The following TRPC7 variants were observed in gnomAD, a reference collection of about 807,000 sequenced individuals.
TRPC7 encodes the protein short transient receptor potential channel 7.
Under a neutral mutation model 90.1 loss-of-function variants are expected in TRPC7, and 42 were observed. The ratio of observed to expected loss-of-function variants is 0.47; its 90% CI spans 0.36 to 0.60. The LOEUF (loss-of-function observed/expected upper bound fraction) is 0.60. Among genes scored for constraint, TRPC7 ranks in the 20% least tolerant of loss-of-function variants. TRPC7 has a pLI of 0.00. For synonymous variants in TRPC7, 451 were observed against 436.3 expected (o/e 1.03, Z -0.42); for missense variants, 955 against 1,112.3 (o/e 0.86, Z 2.01).
intron 2 of TRPC7, among the ~76,000 whole-genome samples, chr5:136,354,853 C>T (rs1050841013): frequency 2.6e-5 from 4 of 152,218 alleles, no homozygotes; most frequent in African/African-American, 7.2e-5. Context: ...TTCTGAGACT[C>T]ATCTTCACTT....
At chr5:136,217,100 A>G (rs1580829197) in intron 10 of TRPC7, among the ~76,000 whole-genome samples, 1 of 152,168 alleles carries the variant, frequency 6.6e-6, no homozygotes, top group Non-Finnish European at 1.5e-5. Context: ...ATTTAAAAAT[A>G]CTCGGGTAGC....
intron 3 of TRPC7, among the ~76,000 whole-genome samples, chr5:136,289,615 CA>C (rs1297975745): frequency 6.6e-6 from 1 of 152,210 alleles, no homozygotes; most frequent in African/African-American, 2.4e-5. Flanking sequence ...TGCCATTGCC[CA>C]GGCTTGAGCA....
chr5:136,302,354 CT>C (rs1019936576), intron 3 of TRPC7, among the ~76,000 whole-genome samples: 2 of 152,174 alleles, frequency 1.3e-5, no homozygotes, highest in African/African-American at 4.8e-5. Context: ...GCAAGTCCCG[CT>C]TTTCTGGGGG....
At chr5:136,330,522 A>G (rs1759467596) in intron 2 of TRPC7, among the ~76,000 whole-genome samples, 1 of 152,240 alleles carries the variant, frequency 6.6e-6, no homozygotes. Flanking sequence ...CTGCCCTTGT[A>G]GTGCTCTAAA....
intron 3 of TRPC7, among the ~76,000 whole-genome samples, chr5:136,284,227 T>C (rs1425872797): frequency 6.6e-6 from 1 of 152,232 alleles, no homozygotes; most frequent in Non-Finnish European, 1.5e-5. Context: ...AACGGTAAGG[T>C]ACCCTGGGCA....
chr5:136,282,659 C>A (rs1321331466), intron 3 of TRPC7, among the ~76,000 whole-genome samples: 1 of 152,046 alleles, frequency 6.6e-6, no homozygotes, highest in East Asian at 1.9e-4. Context: ...ATTCTTAATA[C>A]CAGTATTTTG....
chr5:136,359,424 G>A (rs971717349), intron 1 of TRPC7, among the ~76,000 whole-genome samples: 4 of 152,196 alleles, frequency 2.6e-5, no homozygotes, highest in South Asian at 2.1e-4. Flanking sequence ...TAGGAAGAGC[G>A]TCTGAACCAC....
Position 136,282,625 on chromosome 5 carries a change from C to T in TRPC7, c.964-7788G>A, listed in dbSNP as rs1374021027. On this transcript the variant is annotated intron_variant, in intron 3 of 11. Transcript: ENST00000513104. ...AGGGTCACTAATTTTAAATTTTAAC[C>T]TTTGAATTCTTAAAGTTATAAATAT... Among the ~76,000 whole-genome samples the T allele has an allele frequency of 5.9e-5, 9 of 152,088 alleles. No homozygotes were observed. In the South Asian group the frequency reaches 1.7e-3, roughly 28 times the overall value.
intron 2 of TRPC7, among the ~76,000 whole-genome samples, chr5:136,339,694 A>G (rs988820112): frequency 6.6e-6 from 1 of 152,006 alleles, no homozygotes; most frequent in Non-Finnish European, 1.5e-5. Flanking sequence ...TTCATCCCCA[A>G]CCTATCAGCA....
intron 7 of TRPC7, among the ~76,000 whole-genome samples, chr5:136,245,489 A>G (rs983189888): frequency 5.9e-5 from 9 of 152,314 alleles, no homozygotes; most frequent in Admixed American, 1.3e-4. Context: ...GAAGAGTAAG[A>G]TGAGGCCCTG....
rs774067254 is a variant in TRPC7 at position 136,315,621 on chromosome 5, G to A, written c.939C>T (p.Leu313=). The A allele has an allele frequency of 2.0e-5, 33 of 1,613,706 alleles. No homozygotes were observed. The South Asian group carries it at 2.9e-4, about 14-fold the overall frequency. The change falls in exon 3 of 12, where the codon CTC becomes CTT. Residue 313 remains leucine, a synonymous_variant. Coordinates refer to ENST00000513104, the MANE Select transcript of TRPC7 (RefSeq NM_020389.3). Reference sequence around the variant, plus strand: ...CCTTCTTGACTTCATATTTAATGGCGAGTTTGATCCGGCTCAGACTTGGAC... The same window carrying A: ...CCTTCTTGACTTCATATTTAATGGCAAGTTTGATCCGGCTCAGACTTGGAC... ...HHRPSLSRIK[L]AIKYEVKKFV...
At chr5:136,281,634 A>G (rs1387298391) in intron 3 of TRPC7, among the ~76,000 whole-genome samples, 1 of 152,194 alleles carries the variant, frequency 6.6e-6, no homozygotes, top group Non-Finnish European at 1.5e-5. Flanking sequence ...GAACATGCAC[A>G]GGCTCTGGGT....
chr5:136,251,543 G>T, intron 6 of TRPC7, 106 bp downstream of exon 6: 3 of 911,046 alleles, frequency 3.3e-6, no homozygotes, highest in Non-Finnish European at 5.1e-6. Context: ...CAAATCATGG[G>T]CCACTTGATT....
At chr5:136,361,194 T>C (rs1760558026) in intron 1 of TRPC7, among the ~76,000 whole-genome samples, 2 of 152,208 alleles carry the variant, frequency 1.3e-5, no homozygotes, top group African/African-American at 4.8e-5. Flanking sequence ...TTGATTGCCC[T>C]TATTTTAGTA....
chr5:136,255,476 A>T (rs2149807552), intron 5 of TRPC7, among the ~76,000 whole-genome samples: 1 of 152,338 alleles, frequency 6.6e-6, no homozygotes, highest in East Asian at 1.9e-4. Context: ...GAGTAATTTT[A>T]AAATTATGGT....
chr5:136,340,418 T>A (rs1456353783), intron 2 of TRPC7, among the ~76,000 whole-genome samples: 1 of 152,228 alleles, frequency 6.6e-6, no homozygotes, highest in East Asian at 1.9e-4. Flanking sequence ...TAATAACATA[T>A]ATTTAAAAAA....
intron 2 of TRPC7, among the ~76,000 whole-genome samples, chr5:136,327,683 G>T (rs1418185132): frequency 1.3e-5 from 2 of 152,222 alleles, no homozygotes; most frequent in Admixed American, 1.3e-4. Flanking sequence ...AGGACCCATA[G>T]AGGGATTAAA....
chr5:136,304,454 C>A (rs1031498332), intron 3 of TRPC7, among the ~76,000 whole-genome samples: 7 of 152,196 alleles, frequency 4.6e-5, no homozygotes, highest in African/African-American at 1.7e-4. Context: ...AGAATCTGCG[C>A]CTTATCAACC....
chr5:136,313,030 T>A (rs990838928), intron 3 of TRPC7, among the ~76,000 whole-genome samples: 1 of 145,264 alleles, frequency 6.9e-6, no homozygotes, highest in Non-Finnish European at 1.5e-5. Context: ...TCCCCCAGGC[T>A]GGTCTCAAAC....
Sources: gnomAD v4.1 joint callset for allele counts (sites outside exome capture counted in the v4.1 genomes callset) on GRCh38, gnomAD v4.1.1 for gene constraint, MANE v1.5 for transcripts, NCBI Gene and HGNC (gene_info 2026-07-23, HGNC 2026-07-21) for gene names.